TMCC3: variants seen among roughly 807,000 people sequenced by gnomAD.
TMCC3 encodes transmembrane and coiled-coil domain protein 3.
In TMCC3, 28 loss-of-function variants were observed where a neutral mutation model predicts 40.2. The ratio of observed to expected loss-of-function variants is 0.70; its 90% CI spans 0.52 to 0.95. The LOEUF is 0.95. TMCC3 is among the 40% of genes least tolerant of loss of function. TMCC3 has a pLI of 0.00. For missense variants in TMCC3, 554 were observed against 615.2 expected, an observed-to-expected ratio of 0.90 and a Z score of 1.05; for synonymous variants, 255 against 248.5, an observed-to-expected ratio of 1.03 and a Z score of -0.25.
chr12:94,587,843 C>T (rs2068647206), intron 1 of TMCC3, among the ~76,000 whole-genome samples: 1 of 152,190 alleles, frequency 6.6e-6, no homozygotes, highest in Admixed American at 6.5e-5. Flanking sequence ...AAATGTACTA[C>T]TGTTTTGGCA....
intron 1 of TMCC3, among the ~76,000 whole-genome samples, chr12:94,645,068 G>A (rs766189342): frequency 6.6e-6 from 1 of 152,222 alleles, no homozygotes; most frequent in Non-Finnish European, 1.5e-5. Flanking sequence ...ACACCCACCA[G>A]ATATTAAGTT....
chr12:94,632,400 C>T (rs1397751276), intron 1 of TMCC3, among the ~76,000 whole-genome samples: 2 of 152,156 alleles, frequency 1.3e-5, no homozygotes. Context: ...ATAGCAAATT[C>T]AGAATAACTT....
intron 1 of TMCC3, among the ~76,000 whole-genome samples, chr12:94,606,397 C>T (rs2134131): frequency 0.93 from 138,614 of 149,230 alleles, 64,558 homozygotes; most frequent in African/African-American, 0.95. Flanking sequence ...GAGACAATCT[C>T]GCTCTGTCAC....
At chr12:94,626,157 T>G (rs536730679) in intron 1 of TMCC3, among the ~76,000 whole-genome samples, 1 of 152,272 alleles carries the variant, frequency 6.6e-6, no homozygotes, top group Non-Finnish European at 1.5e-5. Flanking sequence ...CCATCAGATC[T>G]TGTGAGAATT....
intron 1 of TMCC3, among the ~76,000 whole-genome samples, chr12:94,641,928 T>TTA (rs1379281290): frequency 1.6e-3 from 238 of 150,728 alleles, no homozygotes; most frequent in African/African-American, 5.6e-3. Context: ...ATATATATAT[T>TTA]TATATATATA....
intron 1 of TMCC3, among the ~76,000 whole-genome samples, chr12:94,606,837 T>C (rs528452943): frequency 4.6e-5 from 7 of 152,196 alleles, no homozygotes; most frequent in Admixed American, 2.0e-4. Flanking sequence ...AAGGCAAAAT[T>C]AGAATTACTG....
intron 1 of TMCC3, among the ~76,000 whole-genome samples, chr12:94,599,668 T>C (rs2068741098): frequency 6.6e-6 from 1 of 151,718 alleles, no homozygotes; most frequent in Non-Finnish European, 1.5e-5. Context: ...AACTAAACTT[T>C]ACATTCTCAA....
At chr12:94,580,312 C>T (rs1270120305) in intron 2 of TMCC3, among the ~76,000 whole-genome samples, 1 of 152,160 alleles carries the variant, frequency 6.6e-6, no homozygotes, top group African/African-American at 2.4e-5. Flanking sequence ...TACAAAACAT[C>T]TACTTTAAAA....
chr12:94,571,502 A>G lies in TMCC3; in HGVS notation c.1367T>C (p.Leu456Pro), dbSNP rs754186714. ...GTCCCAGTTTTTACAAAATATAGCAAGAAGAGTCACGGCAAAGAAGGTGCC... is the reference window on the plus strand; with the variant it reads ...GTCCCAGTTTTTACAAAATATAGCAGGAAGAGTCACGGCAAAGAAGGTGCC... ...ILGTFFAVTLLAIFCKNWDHI... is the reference protein window; with the variant it reads ...ILGTFFAVTLPAIFCKNWDHI... The change falls in exon 4 of 4, where the codon CTT becomes CCT. Residue 456 changes from leucine to proline, a missense_variant. Transcript: ENST00000261226. 1.2e-6 allele frequency: 2 copies of G among 1,614,016 alleles called. No individual in the cohort carries two copies. The highest frequency in any genetic ancestry group is 3.3e-5 in the Admixed American group (2 of 59,950).
At position 94,570,448 on chromosome 12, in the gene TMCC3, T is replaced by A. The variant is rs2138811161; in HGVS notation, c.*987A>T. On this transcript the variant is annotated 3_prime_UTR_variant, in exon 4 of 4. Coordinates refer to ENST00000261226, the MANE Select transcript of TMCC3 (RefSeq NM_020698.4). ...GTGAATCATATCCTCCAGGGGGGCT[T>A]ATCACAATCAAGATTTGCCAAAAAA... The A allele has an allele frequency of 6.6e-6, 1 of 152,312 alleles. No individual in the cohort carries two copies. The highest frequency in any genetic ancestry group is 1.5e-5 in the Non-Finnish European group (1 of 68,042). 9.4% of individuals were successfully genotyped at this position (152,312 alleles called of 1,614,324 possible).
At chr12:94,577,860 C>T (rs889364907) in intron 3 of TMCC3, among the ~76,000 whole-genome samples, 1 of 152,018 alleles carries the variant, frequency 6.6e-6, no homozygotes, top group African/African-American at 2.4e-5. Flanking sequence ...AGAATATTGT[C>T]TCTTAGCCAG....
In TMCC3 at chr12:94,618,108, T is replaced by G. The variant is rs112475350; in HGVS notation, c.78+32245A>C. 6.6e-5 allele frequency among the ~76,000 whole-genome samples: 10 copies of G among 152,328 alleles called. 1 individual carries two copies. Among genetic ancestry groups the G allele is most frequent in the African/African-American group, 2.4e-4 (10 of 41,576 alleles). On this transcript the variant is annotated intron_variant, in intron 1 of 3. Coordinates refer to ENST00000261226, the MANE Select transcript of TMCC3 (RefSeq NM_020698.4). ...TAAAATGAATATTTTAAAACTACAATAAGATTTTTAAAACCAGACTGACCA... is the reference window on the plus strand; with the variant it reads ...TAAAATGAATATTTTAAAACTACAAGAAGATTTTTAAAACCAGACTGACCA...
At chr12:94,623,795 T>C (rs1051300248) in intron 1 of TMCC3, among the ~76,000 whole-genome samples, 2 of 152,210 alleles carry the variant, frequency 1.3e-5, no homozygotes, top group Non-Finnish European at 2.9e-5. Context: ...CTGGACCTCA[T>C]GGTGGGGAGG....
chr12:94,611,133 G>C (rs1039574013), intron 1 of TMCC3, among the ~76,000 whole-genome samples: 2 of 152,042 alleles, frequency 1.3e-5, no homozygotes, highest in African/African-American at 4.8e-5. Flanking sequence ...AGGATAGTAG[G>C]CATTTTTGTA....
chr12:94,606,761 G>T (rs371918459), intron 1 of TMCC3, among the ~76,000 whole-genome samples: 75 of 152,104 alleles, frequency 4.9e-4, no homozygotes, highest in Middle Eastern at 3.4e-3. Flanking sequence ...AAGGGGAGGG[G>T]GTGTACGAAC....
At chr12:94,578,099 A>AGAT (rs2068576854) in intron 3 of TMCC3, among the ~76,000 whole-genome samples, 1 of 142,390 alleles carries the variant, frequency 7.0e-6, no homozygotes, top group Non-Finnish European at 1.5e-5. Flanking sequence ...CAGTGAGCTG[A>AGAT]GATCACCCAC....
chr12:94,576,421 G>A (rs936208651), intron 3 of TMCC3, among the ~76,000 whole-genome samples: 8 of 152,204 alleles, frequency 5.3e-5, no homozygotes, highest in African/African-American at 1.9e-4. Flanking sequence ...TCCTAGAGCT[G>A]GAGAAAATGA....
At chr12:94,646,456 G>A (rs1434173235) in intron 1 of TMCC3, among the ~76,000 whole-genome samples, 40 of 19,590 alleles carry the variant, frequency 2.0e-3, no homozygotes, top group Non-Finnish European at 3.5e-3. Context: ...TTTTTTTTTT[G>A]AGAGGAAGTC....
At chr12:94,650,301 C>G in intron 1 of TMCC3, 52 bp downstream of exon 1, 3 of 1,151,328 alleles carry the variant, frequency 2.6e-6, no homozygotes, top group Non-Finnish European at 2.2e-6. Context: ...CCCCAGCCCG[C>G]CTCGCCCCCG....
Sources: gnomAD v4.1 joint callset for allele counts (sites outside exome capture counted in the v4.1 genomes callset) on GRCh38, gnomAD v4.1.1 for gene constraint, MANE v1.5 for transcripts, NCBI Gene and HGNC (gene_info 2026-07-23, HGNC 2026-07-21) for gene names.